Variants in MAP2K1 observed in about 807,000 individuals in gnomAD.
MAP2K1 encodes the protein dual specificity mitogen-activated protein kinase kinase 1.
Under a neutral mutation model 46.3 loss-of-function variants are expected in MAP2K1, and 16 were observed. That is an observed-to-expected ratio of 0.35 (90% CI 0.23 to 0.52). MAP2K1 has a LOEUF of 0.52. MAP2K1 is among the 20% of genes least tolerant of loss of function. The pLI is 0.94. For missense variants in MAP2K1, 263 were observed against 497.1 expected, an observed-to-expected ratio of 0.53 and a Z score of 4.48; for synonymous variants, 183 against 185.6, an observed-to-expected ratio of 0.99 and a Z score of 0.11.
chr15:66,412,484 C>G (rs1189301813), intron 1 of MAP2K1, among the ~76,000 whole-genome samples: 1 of 152,168 alleles, frequency 6.6e-6, no homozygotes, highest in Non-Finnish European at 1.5e-5. Flanking sequence ...GCCAGTATCT[C>G]CTGCATTTGT....
chr15:66,475,670 G>C (rs997311098), intron 5 of MAP2K1, among the ~76,000 whole-genome samples: 1 of 152,264 alleles, frequency 6.6e-6, no homozygotes, highest in South Asian at 2.1e-4. Context: ...TCTACCTGCC[G>C]GGGGCCTTGT....
At chr15:66,406,278 T>C (rs550801917) in intron 1 of MAP2K1, among the ~76,000 whole-genome samples, 1 of 152,372 alleles carries the variant, frequency 6.6e-6, no homozygotes, top group Admixed American at 6.5e-5. Context: ...CCTTCCTGTT[T>C]AGCCTTGAAA....
intron 5 of MAP2K1, among the ~76,000 whole-genome samples, chr15:66,464,585 C>T (rs1012211917): frequency 6.6e-6 from 1 of 152,142 alleles, no homozygotes; most frequent in Admixed American, 6.5e-5. Context: ...AGTGCAGTGG[C>T]GTGATCTTGG....
rs1012595654 is a variant in MAP2K1, at chr15:66,471,759, T to C, written c.569-9996T>C. On this transcript the variant is annotated intron_variant, in intron 5 of 10. Coordinates refer to ENST00000307102, the MANE Select transcript of MAP2K1 (RefSeq NM_002755.4). ...GGGACTCAAATGCCATTAGCTCTTA[T>C]ACTTTGATTAAAATATACTTTAAAA... is the stretch of plus-strand genomic sequence containing the variant. Among the ~76,000 whole-genome samples the C allele has an allele frequency of 3.9e-5, 6 of 152,262 alleles. No homozygotes were observed. The South Asian group carries it at 1.2e-3, about 32-fold the overall frequency.
intron 6 of MAP2K1, 75 bp downstream of exon 6, chr15:66,481,954 G>A (rs1567024874): frequency 7.1e-6 from 11 of 1,551,236 alleles, no homozygotes; most frequent in Admixed American, 1.9e-5. Flanking sequence ...CCTTTCCTGT[G>A]GAGCCAGAGT....
chr15:66,453,373 G>A, intron 5 of MAP2K1: 1 of 655,408 alleles, frequency 1.5e-6, no homozygotes. Context: ...CACTTGCACA[G>A]CCAAGAAAGG....
At chr15:66,484,838 G>A (rs1892999598) in intron 6 of MAP2K1, 152 bp from the exon 7 acceptor site, 1 of 763,546 alleles carries the variant, frequency 1.3e-6, no homozygotes, top group South Asian at 1.4e-5. Flanking sequence ...TAAACACAGT[G>A]TTGGGGGTAG....
Position 66,490,724 on chromosome 15 carries a change from C to G in MAP2K1, c.*109C>G. 1 of 800,782 alleles carries G rather than the reference C, an allele frequency of 1.2e-6. No homozygotes were observed. Among genetic ancestry groups the G allele is most frequent in the South Asian group, 1.4e-5 (1 of 73,040 alleles). The allele number at this position is 800,782 out of a possible 1,614,324, so 49.6% of individuals were successfully genotyped here. A position where few individuals can be genotyped will look rare whatever the true frequency, so the allele number is the denominator to read the frequency against. On this transcript the variant is annotated 3_prime_UTR_variant, in exon 11 of 11. Coordinates refer to ENST00000307102, the MANE Select transcript of MAP2K1 (RefSeq NM_002755.4). ...GTTCAGATGTGCATTTCACCTGTGA[C>G]AAAGGATGAAGAACACAGCATGTGC... is the stretch of plus-strand genomic sequence containing the variant.
intron 3 of MAP2K1, among the ~76,000 whole-genome samples, chr15:66,442,461 A>T (rs1336436986): frequency 2.6e-5 from 4 of 152,124 alleles, no homozygotes; most frequent in Admixed American, 2.6e-4. Context: ...TTTGAGTAAT[A>T]TTCAGCTCAA....
In MAP2K1 at chr15:66,491,384, A is replaced by C. The variant is rs896441986; in HGVS notation, c.*769A>C. 8.6e-6 allele frequency: 2 copies of C among 232,090 alleles called. No homozygotes were observed. Among genetic ancestry groups the C allele is most frequent in the Non-Finnish European group, 8.5e-6 (1 of 117,286 alleles). 14.4% of individuals were successfully genotyped at this position (232,090 alleles called of 1,614,324 possible). On this transcript the variant is annotated 3_prime_UTR_variant, in exon 11 of 11. Coordinates refer to ENST00000307102, the MANE Select transcript of MAP2K1 (RefSeq NM_002755.4). Reference sequence around the variant, plus strand: ...ATCAAGATATTAAAATGTCGGATTTATCTTTCCCCATATCCAAGTACCAAT... The same window carrying C: ...ATCAAGATATTAAAATGTCGGATTTCTCTTTCCCCATATCCAAGTACCAAT...
intron 1 of MAP2K1, among the ~76,000 whole-genome samples, chr15:66,419,790 G>C (rs547206943): frequency 1.3e-5 from 2 of 151,710 alleles, no homozygotes; most frequent in Admixed American, 6.6e-5. Flanking sequence ...AAGACTGTTT[G>C]ATTCCCAGGG....
chr15:66,487,239 G>C lies in MAP2K1; in HGVS notation c.907G>C (p.Asp303His). The change falls in exon 8 of 11, where the codon GAC becomes CAC. Residue 303 changes from aspartate (D) to histidine (H), a missense_variant. Asp to His is a moderately conservative substitution (Grantham distance 81). Transcript: ENST00000307102. ...PGRPLSSYGMDSRPPMAIFEL... is the reference protein window; with the variant it reads ...PGRPLSSYGMHSRPPMAIFEL... The stretch of plus-strand genomic sequence containing the variant: ...TATAAAATTTGTAGCATACGGAATG[G>C]ACAGCCGACCTCCCATGGCAATTTT... 6.2e-7 allele frequency: 1 copy of C among 1,614,056 alleles called. No individual in the cohort carries two copies. Among genetic ancestry groups the C allele is most frequent in the Non-Finnish European group, 8.5e-7 (1 of 1,179,924 alleles).
intron 1 of MAP2K1, among the ~76,000 whole-genome samples, chr15:66,428,071 A>G (rs2140566611): frequency 6.6e-6 from 1 of 152,270 alleles, no homozygotes; most frequent in South Asian, 2.1e-4. Flanking sequence ...ATAGGGCTTC[A>G]TACCCAGATA....
chr15:66,473,857 T>A (rs1892696441), intron 5 of MAP2K1, among the ~76,000 whole-genome samples: 2 of 152,118 alleles, frequency 1.3e-5, no homozygotes, highest in Non-Finnish European at 2.9e-5. Context: ...TTTTTTGGTA[T>A]TTTTAGTAGA....
intron 6 of MAP2K1, among the ~76,000 whole-genome samples, chr15:66,484,158 TC>T (rs1413915583): frequency 6.6e-6 from 1 of 151,640 alleles, no homozygotes; most frequent in African/African-American, 2.4e-5. Context: ...CACCTTTTTT[TC>T]TTCCGACATG....
intron 5 of MAP2K1, among the ~76,000 whole-genome samples, chr15:66,459,012 G>A (rs1405919676): frequency 6.6e-6 from 1 of 152,148 alleles, no homozygotes; most frequent in Non-Finnish European, 1.5e-5. Context: ...CTTCTGCAGA[G>A]CCTATATGAA....
intron 9 of MAP2K1, 183 bp downstream of exon 9, chr15:66,489,459 A>G (rs941558219): frequency 2.9e-6 from 2 of 690,302 alleles, no homozygotes; most frequent in Non-Finnish European, 5.2e-6. Context: ...TGGCATGTCT[A>G]ACTACATCAT....
At chr15:66,435,829 C>A (rs574129286) in intron 2 of MAP2K1, among the ~76,000 whole-genome samples, 95 of 152,308 alleles carry the variant, frequency 6.2e-4, no homozygotes, top group Non-Finnish European at 1.3e-3. Context: ...ATTCACCCAG[C>A]CCCAGCGATG....
intron 1 of MAP2K1, among the ~76,000 whole-genome samples, chr15:66,396,845 C>T (rs1282800098): frequency 6.6e-6 from 1 of 150,982 alleles, no homozygotes; most frequent in African/African-American, 2.4e-5. Context: ...CCACCACTCC[C>T]AGCTAATTTT....
Sources: gnomAD v4.1 joint callset for allele counts (sites outside exome capture counted in the v4.1 genomes callset) on GRCh38, gnomAD v4.1.1 for gene constraint, MANE v1.5 for transcripts, NCBI Gene and HGNC (gene_info 2026-07-23, HGNC 2026-07-21) for gene names.